The following AK2 variants were observed in gnomAD, a reference collection of about 807,000 sequenced individuals.
AK2 encodes the protein adenylate kinase 2, mitochondrial.
AK2 carries 15 observed loss-of-function variants against 24.6 expected under a neutral mutation model. The observed-to-expected ratio is 0.61, with a 90% CI of 0.41 to 0.94. The LOEUF (loss-of-function observed/expected upper bound fraction) is 0.94, where lower values mean the gene tolerates loss of function less well. AK2 is among the 40% of genes least tolerant of loss of function. The pLI, the probability that AK2 is intolerant of heterozygous loss-of-function variation, is 0.00. For synonymous variants in AK2, 102 were observed against 114.0 expected, an observed-to-expected ratio of 0.90 and a Z score of 0.67; for missense variants, 257 against 304.1, an observed-to-expected ratio of 0.85 and a Z score of 1.15.
rs74066446 is a variant in AK2, at chr1:33,024,679, A to C, written c.94-112T>G. The C allele has an allele frequency of 2.9e-3, 3,882 of 1,333,608 alleles. 95 individuals are homozygous for C. In the African/African-American group the frequency reaches 0.051, roughly 17 times the overall value. 82.6% of individuals were successfully genotyped at this position (1,333,608 alleles called of 1,614,324 possible). ...TTACTGGCTATGTAAACATGGGCAA[A>C]TGCCTACTTCCTTACCTGTAATGGG... On this transcript the variant is annotated intron_variant, in intron 1 of 5. Transcript: ENST00000672715.
At chr1:33,020,555 T>C (rs928216186) in intron 4 of AK2, among the ~76,000 whole-genome samples, 1 of 152,102 alleles carries the variant, frequency 6.6e-6, no homozygotes, top group Non-Finnish European at 1.5e-5. Flanking sequence ...AGTTAAAAAG[T>C]GACAAGAGGC....
chr1:33,036,774 C>T lies in AK2; in HGVS notation c.55G>A (p.Val19Met), dbSNP rs761910421. The T allele has an allele frequency of 6.3e-6, 10 of 1,599,652 alleles. No individual in the cohort carries two copies. The Admixed American group carries it at 1.2e-4, about 19-fold the overall frequency. ...EPEYPKGIRAVLLGPPGAGKG... is the reference protein window; with the variant it reads ...EPEYPKGIRAMLLGPPGAGKG... The stretch of plus-strand genomic sequence containing the variant: ...CCGGCCCCGGGAGGCCCCAGCAGCA[C>T]GGCCCGGATGCCTTTAGGATACTCG... Residue 19 changes from valine (V) to methionine (M), a missense_variant, in exon 1 of 6, where the codon GTG (valine) becomes ATG (methionine). Transcript: ENST00000672715.
intron 1 of AK2, chr1:33,032,017 A>G (rs2124382030): frequency 4.7e-6 from 1 of 212,446 alleles, no homozygotes; most frequent in East Asian, 1.2e-4. Context: ...GAGTTTTAAA[A>G]GGAAACATTA....
intron 4 of AK2, among the ~76,000 whole-genome samples, chr1:33,018,832 C>T (rs998213079): frequency 3.3e-5 from 5 of 152,270 alleles, no homozygotes; most frequent in East Asian, 1.9e-4. Context: ...TTCTCCTTGC[C>T]GTAATTTACC....
Position 33,010,480 on chromosome 1 carries a change from C to A in AK2, c.*2701G>T. Reference sequence around the variant, plus strand: ...AACCCATGGGGTTCTGAGATAAAAGCTGAGGTCTTAGAGCACTGGCTTTAA... The same window carrying A: ...AACCCATGGGGTTCTGAGATAAAAGATGAGGTCTTAGAGCACTGGCTTTAA... On this transcript the variant is annotated 3_prime_UTR_variant, in exon 6 of 6. Transcript: ENST00000672715. The A allele has an allele frequency of 1.7e-6, 1 of 605,564 alleles. No individual in the cohort carries two copies. Among genetic ancestry groups the A allele is most frequent in the Non-Finnish European group, 3.1e-6 (1 of 327,150 alleles). 37.5% of individuals were successfully genotyped at this position (605,564 alleles called of 1,614,324 possible). A position where few individuals can be genotyped will look rare whatever the true frequency, so the allele number is the denominator to read the frequency against.
In AK2 at chr1:33,012,546, G is replaced by A. The variant is rs1638891868; in HGVS notation, c.*635C>T. Reference sequence around the variant, plus strand: ...GGTTCTGGAATTGCGGTCCCTGGAAGATTACCTGGGTTAGTTCATTTTGGT... The same window carrying A: ...GGTTCTGGAATTGCGGTCCCTGGAAAATTACCTGGGTTAGTTCATTTTGGT... On this transcript the variant is annotated 3_prime_UTR_variant, in exon 6 of 6. Coordinates refer to ENST00000672715, the MANE Select transcript of AK2 (RefSeq NM_001625.4). The A allele has an allele frequency of 7.6e-7, 1 of 1,315,688 alleles. No individual in the cohort carries two copies. Among genetic ancestry groups the A allele is most frequent in the South Asian group, 1.2e-5 (1 of 81,178 alleles). 81.5% of individuals were successfully genotyped at this position (1,315,688 alleles called of 1,614,324 possible). A position where few individuals can be genotyped will look rare whatever the true frequency, so the allele number is the denominator to read the frequency against.
intron 4 of AK2, chr1:33,020,069 T>G (rs1639435065): frequency 6.5e-6 from 10 of 1,535,198 alleles, no homozygotes; most frequent in Non-Finnish European, 8.7e-6. Flanking sequence ...TGGCAGTGAT[T>G]AGTGAAACAG....
intron 4 of AK2, among the ~76,000 whole-genome samples, chr1:33,018,815 T>C (rs1161509067): frequency 6.6e-6 from 1 of 152,168 alleles, no homozygotes; most frequent in Non-Finnish European, 1.5e-5. Flanking sequence ...ATGGTATCCT[T>C]ATCTGTTTCT....
rs1264261840 is a variant in AK2 at position 33,011,577 on chromosome 1, AG to A, written c.*1603del. On this transcript the variant is annotated 3_prime_UTR_variant, in exon 6 of 6. Transcript: ENST00000672715. ...CAGGTCAGGAGGCTGGGCACTTTAG[AG>A]TCCACTGAATCGAGTCAGCAGCAGA... is the stretch of plus-strand genomic sequence containing the variant. The A allele has an allele frequency of 1.9e-5, 25 of 1,287,732 alleles. No individual in the cohort carries two copies. The highest frequency in any genetic ancestry group is 3.2e-4 in the Middle Eastern group (1 of 3,086). 79.8% of individuals were successfully genotyped at this position (1,287,732 alleles called of 1,614,324 possible).
chr1:33,034,487 CAT>C (rs34516962), intron 1 of AK2, among the ~76,000 whole-genome samples: 1,743 of 139,030 alleles, frequency 0.013, 32 homozygotes, highest in African/African-American at 0.047. Context: ...CACACACACA[CAT>C]ATATCATAAT....
intron 4 of AK2, among the ~76,000 whole-genome samples, 153 bp downstream of exon 4, chr1:33,021,214 G>C (rs1020700821): frequency 6.6e-6 from 1 of 151,872 alleles, no homozygotes; most frequent in African/African-American, 2.4e-5. Flanking sequence ...TCCATATCCC[G>C]ATCCCATCTC....
At chr1:33,030,383 C>T (rs1640163913) in intron 1 of AK2, among the ~76,000 whole-genome samples, 1 of 152,072 alleles carries the variant, frequency 6.6e-6, no homozygotes, top group Non-Finnish European at 1.5e-5. Context: ...AGCAAGACCC[C>T]ATTTCTACAT....
Position 33,008,465 on chromosome 1 carries a change from A to G in AK2, c.*4716T>C, listed in dbSNP as rs956143191. 2.2e-6 allele frequency: 1 copy of G among 454,118 alleles called. No individual in the cohort carries two copies. The highest frequency in any genetic ancestry group is 2.0e-5 in the African/African-American group (1 of 50,128). The allele number at this position is 454,118 out of a possible 1,614,324, so 28.1% of individuals were successfully genotyped here. A position where few individuals can be genotyped will look rare whatever the true frequency, so the allele number is the denominator to read the frequency against. On this transcript the variant is annotated 3_prime_UTR_variant, in exon 6 of 6. Transcript: ENST00000672715. Reference sequence around the variant, plus strand: ...CATACCCTAGGCCCTCAGAGCCGGCAGTGACTTCTTCAAAATCAGTTCCGG... The same window carrying G: ...CATACCCTAGGCCCTCAGAGCCGGCGGTGACTTCTTCAAAATCAGTTCCGG...
chr1:33,030,362 C>A (rs1192080916), intron 1 of AK2, among the ~76,000 whole-genome samples: 1 of 152,120 alleles, frequency 6.6e-6, no homozygotes, highest in African/African-American at 2.4e-5. Flanking sequence ...TGAGACCAGT[C>A]CGGGCAACAC....
At chr1:33,021,490 C>A in intron 3 of AK2, 29 bp from the exon 4 acceptor site, 1 of 1,610,792 alleles carries the variant, frequency 6.2e-7, no homozygotes, top group Non-Finnish European at 8.5e-7. Flanking sequence ...CCCACCTAAG[C>A]TACCAGAGCT....
Position 33,012,372 on chromosome 1 carries a change from A to T in AK2, c.*809T>A. On this transcript the variant is annotated 3_prime_UTR_variant, in exon 6 of 6. Coordinates refer to ENST00000672715, the MANE Select transcript of AK2 (RefSeq NM_001625.4). ...GGGAAAAAATTAATGATCCCTGTTC[A>T]CACACTGACTCACGTGGGTTTTCAT... The T allele has an allele frequency of 6.6e-7, 1 of 1,523,948 alleles. No homozygotes were observed. Among genetic ancestry groups the T allele is most frequent in the East Asian group, 2.5e-5 (1 of 40,176 alleles). 94.4% of individuals were successfully genotyped at this position (1,523,948 alleles called of 1,614,324 possible).
Position 33,011,955 on chromosome 1 carries a change from GGA to G in AK2, c.*1224_*1225del. On this transcript the variant is annotated 3_prime_UTR_variant, in exon 6 of 6. Coordinates refer to ENST00000672715, the MANE Select transcript of AK2 (RefSeq NM_001625.4). ...ATATCTGATTTCAGTTTTATGTCCT[GGA>G]GAGAGACTGGGTTTGAATAAATACT... 6.5e-7 allele frequency: 1 copy of G among 1,534,340 alleles called. No individual in the cohort carries two copies. Among genetic ancestry groups the G allele is most frequent in the African/African-American group, 1.4e-5 (1 of 73,116 alleles).
chr1:33,024,616 G>T (rs1485942883), intron 1 of AK2, 49 bp from the exon 2 acceptor site: 3 of 1,612,576 alleles, frequency 1.9e-6, no homozygotes, highest in Admixed American at 3.3e-5. Context: ...TACAGGCTGT[G>T]GAGTCAGACT....
At chr1:33,017,388 C>CT (rs1639256790) in intron 4 of AK2, among the ~76,000 whole-genome samples, 1 of 152,172 alleles carries the variant, frequency 6.6e-6, no homozygotes, top group Non-Finnish European at 1.5e-5. Flanking sequence ...ATGGCATCCA[C>CT]TGGGAGACCC....
Sources: allele counts gnomAD v4.1 joint callset (sites outside exome capture counted in the v4.1 genomes callset), GRCh38; gene constraint gnomAD v4.1.1; transcripts MANE v1.5; gene names NCBI Gene and HGNC (gene_info 2026-07-23, HGNC 2026-07-21).